The following SCAPER variants were observed in gnomAD, a reference collection of about 807,000 sequenced individuals.
The protein encoded by SCAPER is S-phase cyclin A associated protein in the ER.
Under a neutral mutation model 182.2 loss-of-function variants are expected in SCAPER, and 98 were observed. The ratio of observed to expected loss-of-function variants is 0.54; its 90% CI spans 0.46 to 0.64. SCAPER has a LOEUF of 0.64. Ranked by LOEUF, SCAPER falls within the 30% of genes least tolerant of loss-of-function variation. SCAPER has a pLI of 0.00. For synonymous variants in SCAPER, 605 were observed against 564.6 expected, an observed-to-expected ratio of 1.07 and a Z score of -1.01; for missense variants, 1,432 against 1,690.0, an observed-to-expected ratio of 0.85 and a Z score of 2.68.
chr15:76,461,127 C>T (rs950451815), intron 25 of SCAPER, among the ~76,000 whole-genome samples: 3 of 151,928 alleles, frequency 2.0e-5, no homozygotes, highest in African/African-American at 7.2e-5. Context: ...AATTTTTGGT[C>T]TGATGTTTTC....
chr15:76,548,121 G>GAA (rs35331749), intron 23 of SCAPER, among the ~76,000 whole-genome samples: 26 of 151,324 alleles, frequency 1.7e-4, no homozygotes, highest in East Asian at 1.9e-4. Flanking sequence ...TTCCCGTTCA[G>GAA]AAAAAAAAAG....
At chr15:76,738,225 C>T (rs2061372910) in intron 15 of SCAPER, among the ~76,000 whole-genome samples, 1 of 152,064 alleles carries the variant, frequency 6.6e-6, no homozygotes. Context: ...CACTCCTGAG[C>T]TCAAGTGATT....
intron 18 of SCAPER, among the ~76,000 whole-genome samples, chr15:76,705,109 C>T (rs543048267): frequency 6.6e-5 from 10 of 152,074 alleles, no homozygotes; most frequent in African/African-American, 1.9e-4. Flanking sequence ...ATGTTTATTG[C>T]GGCACTATTC....
chr15:76,675,162 C>T (rs2146917012), intron 20 of SCAPER, among the ~76,000 whole-genome samples: 1 of 152,220 alleles, frequency 6.6e-6, no homozygotes, highest in East Asian at 1.9e-4. Flanking sequence ...GTTTTAAATT[C>T]ACCATAATAG....
At position 76,381,481 on chromosome 15, in the gene SCAPER, G is replaced by T; in HGVS notation, c.3602C>A (p.Thr1201Asn). 6.2e-7 allele frequency: 1 copy of T among 1,613,824 alleles called. No homozygotes were observed. Among genetic ancestry groups the T allele is most frequent in the Non-Finnish European group, 8.5e-7 (1 of 1,179,852 alleles). The part of the protein sequence containing the change: ...LFHGTILDPS[T>N]ASPKENYTQN... ...AGTGTAATTCTCCTTGGGACTGGCA[G>T]TGCTGGGGTCCAAGATGGTGCCATG... Residue 1201 changes from threonine (T) to asparagine (N), a missense_variant, in exon 28 of 32, where the codon ACT (threonine) becomes AAT (asparagine). Around this residue, in one of 5 missense-constraint regions of SCAPER, gnomAD observed 718 missense variants for 799.7 expected, o/e 0.90. Coordinates refer to ENST00000563290, the MANE Select transcript of SCAPER (RefSeq NM_020843.4).
intron 23 of SCAPER, among the ~76,000 whole-genome samples, chr15:76,516,656 A>C (rs1202540849): frequency 6.6e-6 from 1 of 152,130 alleles, no homozygotes; most frequent in Non-Finnish European, 1.5e-5. Context: ...GGTATTGTGA[A>C]TAGTGCTGCA....
intron 26 of SCAPER, among the ~76,000 whole-genome samples, chr15:76,427,487 G>C (rs2046520146): frequency 1.3e-5 from 2 of 152,034 alleles, no homozygotes; most frequent in Non-Finnish European, 2.9e-5. Context: ...AATCATCAAG[G>C]AAATGCCAAT....
chr15:76,862,419 CA>C lies in SCAPER; in HGVS notation c.120del (p.Asp40GlufsTer34). ...AACTAATTTTTTAAATACATACCATCATCATCTTTGCTTTCTAGTGGAACAC... is the reference window on the plus strand; with the variant it reads ...AACTAATTTTTTAAATACATACCATCTCATCTTTGCTTTCTAGTGGAACAC... ...AWSVPLESKD[D>X]DGKPKCQTGG... On this transcript the variant is annotated frameshift_variant, in exon 3 of 32. Coordinates refer to ENST00000563290, the MANE Select transcript of SCAPER (RefSeq NM_020843.4). LOFTEE classifies it high-confidence loss of function. 1.9e-6 allele frequency: 3 copies of C among 1,591,896 alleles called. No homozygotes were observed. The highest frequency in any genetic ancestry group is 2.6e-6 in the Non-Finnish European group (3 of 1,160,936).
chr15:76,570,346 A>C (rs1597438082), intron 23 of SCAPER, among the ~76,000 whole-genome samples: 1 of 152,056 alleles, frequency 6.6e-6, no homozygotes, highest in African/African-American at 2.4e-5. Context: ...CCAGTCCTGC[A>C]AACAGTCTCA....
At chr15:76,535,569 T>C (rs968621914) in intron 23 of SCAPER, among the ~76,000 whole-genome samples, 4 of 151,632 alleles carry the variant, frequency 2.6e-5, no homozygotes, top group African/African-American at 9.7e-5. Flanking sequence ...TTTAATCTTT[T>C]CTGTAAAGGC....
chr15:76,726,819 C>A (rs2060625848), intron 17 of SCAPER, among the ~76,000 whole-genome samples: 1 of 151,914 alleles, frequency 6.6e-6, no homozygotes, highest in Admixed American at 6.6e-5. Context: ...TGACGATTGT[C>A]AGAGGCAAGT....
intron 31 of SCAPER, chr15:76,350,900 G>A (rs1397430987): frequency 5.6e-6 from 1 of 180,164 alleles, no homozygotes; most frequent in Non-Finnish European, 1.2e-5. Context: ...TGTGAGAAAT[G>A]TGGGCCAGTA....
At chr15:76,809,875 A>G (rs1230535340) in intron 5 of SCAPER, among the ~76,000 whole-genome samples, 1 of 152,214 alleles carries the variant, frequency 6.6e-6, no homozygotes, top group African/African-American at 2.4e-5. Context: ...TACTTATTAC[A>G]CACACAGGGG....
intron 28 of SCAPER, among the ~76,000 whole-genome samples, chr15:76,376,908 A>G (rs1207926449): frequency 1.3e-5 from 2 of 152,216 alleles, no homozygotes; most frequent in African/African-American, 4.8e-5. Context: ...GACTTCTGGG[A>G]TCCTTTCTCC....
At chr15:76,829,909 A>T (rs1377188356) in intron 5 of SCAPER, among the ~76,000 whole-genome samples, 2 of 152,344 alleles carry the variant, frequency 1.3e-5, no homozygotes, top group East Asian at 3.9e-4. Flanking sequence ...GGAGACAGAT[A>T]TTAAACAACT....
chr15:76,521,833 T>C (rs2144314912), intron 23 of SCAPER, among the ~76,000 whole-genome samples: 1 of 152,308 alleles, frequency 6.6e-6, no homozygotes, highest in African/African-American at 2.4e-5. Flanking sequence ...TCTATGGCAA[T>C]GGATGCAAAG....
intron 21 of SCAPER, among the ~76,000 whole-genome samples, chr15:76,634,061 G>A (rs998904752): frequency 6.6e-6 from 1 of 152,354 alleles, no homozygotes; most frequent in Admixed American, 6.5e-5. Flanking sequence ...CCGCCCACCT[G>A]AGCAGCTGCC....
chr15:76,598,939 A>T (rs1269130130), intron 22 of SCAPER, among the ~76,000 whole-genome samples: 7 of 109,554 alleles, frequency 6.4e-5, no homozygotes, highest in Non-Finnish European at 8.7e-5. Flanking sequence ...AAGTATAATT[A>T]AAAAAAAAAA....
chr15:76,882,000 T>G (rs951616176), intron 2 of SCAPER, among the ~76,000 whole-genome samples: 7 of 152,150 alleles, frequency 4.6e-5, no homozygotes, highest in African/African-American at 1.7e-4. Flanking sequence ...TTTTGAACCA[T>G]GTAAATGCTG....
Sources: allele counts gnomAD v4.1 joint callset (sites outside exome capture counted in the v4.1 genomes callset), GRCh38; gene constraint gnomAD v4.1.1; regional missense constraint gnomAD v4.1.1; transcripts MANE v1.5; gene names NCBI Gene and HGNC (gene_info 2026-07-23, HGNC 2026-07-21).